PCCA: variants seen among roughly 807,000 people sequenced by gnomAD.
The protein encoded by PCCA is propionyl-CoA carboxylase alpha chain, mitochondrial.
PCCA carries 74 observed loss-of-function variants against 101.3 expected under a neutral mutation model. The observed-to-expected ratio is 0.73, with a 90% CI of 0.61 to 0.89. PCCA has a LOEUF of 0.89. Among genes scored for constraint, PCCA ranks in the 40% least tolerant of loss-of-function variants. The pLI is 0.00. For missense variants in PCCA, 891 were observed against 907.0 expected (o/e 0.98, Z 0.23); for synonymous variants, 294 against 313.6 (o/e 0.94, Z 0.66).
intron 20 of PCCA, among the ~76,000 whole-genome samples, chr13:100,440,650 G>GT (rs1364013544): frequency 2.0e-5 from 3 of 151,846 alleles, no homozygotes; most frequent in Non-Finnish European, 4.4e-5. Context: ...GTCCTAAAGT[G>GT]TTTTACAGGT....
chr13:100,128,186 A>G (rs1168150897), intron 4 of PCCA, among the ~76,000 whole-genome samples: 1 of 152,214 alleles, frequency 6.6e-6, no homozygotes, highest in African/African-American at 2.4e-5. Context: ...CTGGGCTAGT[A>G]AGTAGTGGAG....
At chr13:100,484,585 T>A (rs1344653155) in intron 21 of PCCA, among the ~76,000 whole-genome samples, 1 of 152,128 alleles carries the variant, frequency 6.6e-6, no homozygotes, top group Non-Finnish European at 1.5e-5. Flanking sequence ...ATGTTTGAAT[T>A]TTTCTTTTTT....
At position 100,101,174 on chromosome 13, in the gene PCCA, C is replaced by G. The variant is rs111856207; in HGVS notation, c.106-1709C>G. On this transcript the variant is annotated intron_variant, in intron 1 of 23. Coordinates refer to ENST00000376285, the MANE Select transcript of PCCA (RefSeq NM_000282.4). ...TTTACAGCTTTAGGCCACATTATTA[C>G]AAGTTCACATGTGTGCAAGCTCTGT... Among the ~76,000 whole-genome samples, 1,392 of 152,312 alleles carry G rather than the reference C, an allele frequency of 9.1e-3. 23 individuals are homozygous for G. Among genetic ancestry groups the G allele is most frequent in the African/African-American group, 0.023 (969 of 41,560 alleles).
At chr13:100,422,096 T>TTCTTTCTTTCTTTCTG (rs2078832643) in intron 19 of PCCA, among the ~76,000 whole-genome samples, 1 of 144,976 alleles carries the variant, frequency 6.9e-6, no homozygotes, top group Non-Finnish European at 1.5e-5. Context: ...CTTTCTTTCT[T>TTCTTTCTTTCTTTCTG]TCTTTCTTTC....
chr13:100,227,490 A>C (rs1475493558), intron 7 of PCCA, among the ~76,000 whole-genome samples: 4 of 152,124 alleles, frequency 2.6e-5, no homozygotes, highest in African/African-American at 9.7e-5. Flanking sequence ...TACTGTTACT[A>C]TTCTTGGGTT....
chr13:100,214,955 T>A (rs192356537), intron 7 of PCCA, among the ~76,000 whole-genome samples: 218 of 152,326 alleles, frequency 1.4e-3, no homozygotes, highest in Middle Eastern at 3.4e-3. Flanking sequence ...GAATGACTAC[T>A]CATATAAATG....
At chr13:100,331,934 ATTTTTTTTTT>A (rs34411352) in intron 17 of PCCA, among the ~76,000 whole-genome samples, 5 of 89,774 alleles carry the variant, frequency 5.6e-5, no homozygotes, top group East Asian at 6.6e-4. Context: ...ATTACTTTGG[ATTTTTTTTTT>A]TTTTTTTTTT....
chr13:100,169,679 C>T (rs2055428007), intron 6 of PCCA, among the ~76,000 whole-genome samples: 1 of 149,820 alleles, frequency 6.7e-6, no homozygotes, highest in African/African-American at 2.5e-5. Context: ...AGGTGAGCGC[C>T]ACCATGCCTG....
chr13:100,437,281 C>T (rs2080006373), intron 20 of PCCA, among the ~76,000 whole-genome samples: 1 of 152,020 alleles, frequency 6.6e-6, no homozygotes, highest in East Asian at 1.9e-4. Flanking sequence ...ATCATACTCT[C>T]GGAAAAAGTC....
intron 18 of PCCA, among the ~76,000 whole-genome samples, chr13:100,362,215 G>A (rs1467547396): frequency 1.3e-5 from 2 of 152,110 alleles, no homozygotes; most frequent in African/African-American, 4.8e-5. Context: ...GGCAGGCAGA[G>A]CCAAGCGACT....
chr13:100,385,330 C>G (rs9585427), intron 19 of PCCA, among the ~76,000 whole-genome samples: 2,609 of 152,150 alleles, frequency 0.017, 83 homozygotes, highest in African/African-American at 0.061. Context: ...GTAAGTGAAG[C>G]CAACAGGTAA....
At chr13:100,097,604 A>T (rs965925277) in intron 1 of PCCA, among the ~76,000 whole-genome samples, 2 of 152,128 alleles carry the variant, frequency 1.3e-5, no homozygotes, top group Non-Finnish European at 2.9e-5. Context: ...CTGTAATCCC[A>T]GCTACTCGGG....
At chr13:100,484,578 T>C (rs1357987434) in intron 21 of PCCA, among the ~76,000 whole-genome samples, 5 of 152,138 alleles carry the variant, frequency 3.3e-5, no homozygotes, top group Non-Finnish European at 7.3e-5. Flanking sequence ...ATTAGAGATG[T>C]TTGAATTTTT....
chr13:100,525,410 A>G (rs1379245781), intron 22 of PCCA, among the ~76,000 whole-genome samples: 1 of 152,202 alleles, frequency 6.6e-6, no homozygotes, highest in East Asian at 1.9e-4. Flanking sequence ...AGAAGCACAG[A>G]GCCAGCCAGA....
intron 21 of PCCA, among the ~76,000 whole-genome samples, chr13:100,478,717 C>T (rs1467814006): frequency 5.3e-5 from 8 of 152,190 alleles, no homozygotes; most frequent in Non-Finnish European, 1.2e-4. Flanking sequence ...ACCTCCTAAG[C>T]AGCCCTGGGG....
chr13:100,342,420 C>T (rs568615821), intron 18 of PCCA, among the ~76,000 whole-genome samples: 10 of 152,120 alleles, frequency 6.6e-5, no homozygotes, highest in African/African-American at 2.4e-4. Flanking sequence ...TACACTACCA[C>T]ATCTGGCTAA....
chr13:100,456,596 G>A (rs1225804951), intron 21 of PCCA, among the ~76,000 whole-genome samples: 12 of 152,312 alleles, frequency 7.9e-5, no homozygotes, highest in Admixed American at 6.5e-4. Flanking sequence ...GATTGACAAG[G>A]TGAAGCAAGT....
At chr13:100,456,174 T>A (rs2081695195) in intron 21 of PCCA, among the ~76,000 whole-genome samples, 1 of 152,262 alleles carries the variant, frequency 6.6e-6, no homozygotes, top group Admixed American at 6.5e-5. Flanking sequence ...TTCTTATTTA[T>A]TGGCTATTTC....
At chr13:100,150,803 AG>A in intron 4 of PCCA, 1 of 1,585,826 alleles carries the variant, frequency 6.3e-7, no homozygotes, top group Non-Finnish European at 8.6e-7. Context: ...AACGGACTGA[AG>A]GCTTGGAGCA....
Sources: allele counts gnomAD v4.1 joint callset (sites outside exome capture counted in the v4.1 genomes callset), GRCh38; gene constraint gnomAD v4.1.1; transcripts MANE v1.5; gene names NCBI Gene and HGNC (gene_info 2026-07-23, HGNC 2026-07-21).